GDF10: variants seen among roughly 807,000 people sequenced by gnomAD.
GDF10 encodes the protein growth differentiation factor 10.
Under a neutral mutation model 32.1 loss-of-function variants are expected in GDF10, and 23 were observed. The observed-to-expected ratio is 0.72, with a 90% CI of 0.52 to 1.02. The LOEUF is 1.02. Ranked by LOEUF, GDF10 falls within the 50% of genes least tolerant of loss-of-function variation. The pLI, the probability that GDF10 is intolerant of heterozygous loss-of-function variation, is 0.00. For missense variants in GDF10, 764 were observed against 673.9 expected (o/e 1.13, Z -1.48); for synonymous variants, 328 against 303.1 (o/e 1.08, Z -0.85).
At chr10:47,304,315 C>T (rs555165957) in intron 1 of GDF10, among the ~76,000 whole-genome samples, 1 of 150,398 alleles carries the variant, frequency 6.6e-6, no homozygotes, top group East Asian at 2.0e-4. Context: ...GGGCAATATA[C>T]AACGTGCATG....
chr10:47,310,571 C>A lies in GDF10; in HGVS notation c.1095C>A (p.Ala365=), dbSNP rs1555207666. 6.2e-7 allele frequency: 1 copy of A among 1,614,226 alleles called. No individual in the cohort carries two copies. The highest frequency in any genetic ancestry group is 1.3e-5 in the African/African-American group (1 of 75,062). The part of the protein sequence containing the change: ...LDFDEKTMQK[A]RRKQWDEPRV... ...TTGACGAGAAGACGATGCAGAAAGC[C>A]CGGAGGAAGCAGTGGGATGAGCCGA... Residue 365 remains alanine, a synonymous_variant, in exon 2 of 3, where the codon GCC becomes GCA. Coordinates refer to ENST00000580279, the MANE Select transcript of GDF10 (RefSeq NM_004962.5).
chr10:47,303,043 A>T (rs1555206954), intron 1 of GDF10, among the ~76,000 whole-genome samples: 1 of 152,204 alleles, frequency 6.6e-6, no homozygotes, highest in East Asian at 1.9e-4. Flanking sequence ...GGGCCCAGGC[A>T]GGTTGCTTGA....
Position 47,300,585 on chromosome 10 carries a change from G to C in GDF10, c.-67G>C. ...CCTACTGCCGCGAGGTCAGTCCGCA[G>C]CCTCCGGTGCGCCAGCGCTCGCCTT... On this transcript the variant is annotated 5_prime_UTR_variant, in exon 1 of 3. Coordinates refer to ENST00000580279, the MANE Select transcript of GDF10 (RefSeq NM_004962.5). The C allele has an allele frequency of 6.9e-7, 1 of 1,449,174 alleles. No homozygotes were observed. 89.8% of individuals were successfully genotyped at this position (1,449,174 alleles called of 1,614,324 possible). A position where few individuals can be genotyped will look rare whatever the true frequency, so the allele number is the denominator to read the frequency against.
chr10:47,305,999 G>A (rs1289213709), intron 1 of GDF10, among the ~76,000 whole-genome samples: 12 of 152,324 alleles, frequency 7.9e-5, no homozygotes, highest in African/African-American at 2.9e-4. Flanking sequence ...AGGAGCAAAA[G>A]GCATGGGCTT....
At position 47,300,425 on chromosome 10, in the gene GDF10, G is replaced by T. The variant is rs1268767198; in HGVS notation, c.-227G>T. 6.2e-6 allele frequency: 3 copies of T among 485,608 alleles called. No individual in the cohort carries two copies. Among genetic ancestry groups the T allele is most frequent in the Non-Finnish European group, 7.2e-6 (2 of 278,434 alleles). 30.1% of individuals were successfully genotyped at this position (485,608 alleles called of 1,614,324 possible). A position where few individuals can be genotyped will look rare whatever the true frequency, so the allele number is the denominator to read the frequency against. On this transcript the variant is annotated 5_prime_UTR_variant, in exon 1 of 3. Transcript: ENST00000580279. ...GGCTCGGCTCTGCGCTGCTCCGGAC[G>T]GCTGTGACCGCTGGCCGGGGGCTCG...
In GDF10 at chr10:47,310,707, T is replaced by C; in HGVS notation, c.1231T>C (p.Phe411Leu). The change falls in exon 2 of 3, where the codon TTC becomes CTC. Residue 411 changes from phenylalanine to leucine, a missense_variant. Phe to Leu is a conservative substitution (Grantham distance 22). Coordinates refer to ENST00000580279, the MANE Select transcript of GDF10 (RefSeq NM_004962.5). ...CTACTACTGCGCGGGAGCATGTGAGTTCCCCATGCCTAAGGTAGGGTTTCT... is the reference window on the plus strand; with the variant it reads ...CTACTACTGCGCGGGAGCATGTGAGCTCCCCATGCCTAAGGTAGGGTTTCT... ...DAYYCAGACE[F>L]PMPKIVRPSN... 6.2e-7 allele frequency: 1 copy of C among 1,609,302 alleles called. No individual in the cohort carries two copies.
At chr10:47,312,314 T>C (rs887241169) in intron 2 of GDF10, among the ~76,000 whole-genome samples, 10 of 152,164 alleles carry the variant, frequency 6.6e-5, no homozygotes, top group Admixed American at 2.0e-4. Flanking sequence ...GGCGCCCCCA[T>C]GTGGCCCTGC....
intron 1 of GDF10, among the ~76,000 whole-genome samples, chr10:47,307,139 G>C (rs1555207234): frequency 6.6e-6 from 1 of 152,018 alleles, no homozygotes; most frequent in Non-Finnish European, 1.5e-5. Flanking sequence ...TTTGTTATCT[G>C]TCTCCCCTCT....
In GDF10 at chr10:47,309,782, T is replaced by C; in HGVS notation, c.320-14T>C. 1 of 1,581,514 alleles carries C rather than the reference T, an allele frequency of 6.3e-7. No individual in the cohort carries two copies. The highest frequency in any genetic ancestry group is 8.7e-7 in the Non-Finnish European group (1 of 1,154,372). ...CGAGAACTTCACAGCCTGTGGTCTC[T>C]CCTTCCCTCACAGAAGTGGTCGACC... is the stretch of plus-strand genomic sequence containing the variant. On this transcript the variant is annotated splice_polypyrimidine_tract_variant and intron_variant, in intron 1 of 2. Transcript: ENST00000580279.
In GDF10 at chr10:47,310,026, CAG is replaced by C. The variant is rs1186701468; in HGVS notation, c.551_552del (p.Gln184ArgfsTer44). On this transcript the variant is annotated frameshift_variant, in exon 2 of 3. Transcript: ENST00000580279. LOFTEE classifies it high-confidence loss of function. The part of the protein sequence containing the change: ...FRSLSQNTAT[Q>X]GLLRGAMALA... ...CAGCCTCTCGCAGAACACGGCCACA[CAG>C]GGGCTACTCCGCGGGGCCATGGCCC... 3.7e-6 allele frequency: 6 copies of C among 1,608,006 alleles called. No homozygotes were observed. In the African/African-American group the frequency reaches 4.0e-5, roughly 11 times the overall value.
rs983372715 is a variant in GDF10, at chr10:47,312,930, C to T, written c.*138C>T. ...TCACTGGGGCCCAGAGAGAGCTGTC[C>T]GCCAGTGCATCATTAGGGGGTCTTT... On this transcript the variant is annotated 3_prime_UTR_variant, in exon 3 of 3. Coordinates refer to ENST00000580279, the MANE Select transcript of GDF10 (RefSeq NM_004962.5). 2.5e-5 allele frequency: 13 copies of T among 519,232 alleles called. No homozygotes were observed. Among genetic ancestry groups the T allele is most frequent in the East Asian group, 1.9e-4 (6 of 32,366 alleles). The allele number at this position is 519,232 out of a possible 1,614,324, so 32.2% of individuals were successfully genotyped here.
intron 1 of GDF10, among the ~76,000 whole-genome samples, chr10:47,308,902 G>A (rs2061032635): frequency 6.6e-6 from 1 of 152,184 alleles, no homozygotes. Flanking sequence ...CAATACTCAT[G>A]CTGCTGCCAA....
At chr10:47,307,657 C>T (rs1210663153) in intron 1 of GDF10, among the ~76,000 whole-genome samples, 1 of 152,232 alleles carries the variant, frequency 6.6e-6, no homozygotes, top group Non-Finnish European at 1.5e-5. Context: ...GCATTCAAGC[C>T]ACATGGAGGT....
chr10:47,312,225 G>C (rs376067390), intron 2 of GDF10, among the ~76,000 whole-genome samples: 1 of 152,226 alleles, frequency 6.6e-6, no homozygotes, highest in Non-Finnish European at 1.5e-5. Flanking sequence ...GACCAGGGCT[G>C]TGCTGGCATC....
chr10:47,312,774 C>CA lies in GDF10; in HGVS notation c.1420dup (p.Thr474AsnfsTer66). 6.3e-7 allele frequency: 1 copy of CA among 1,588,022 alleles called. No homozygotes were observed. The highest frequency in any genetic ancestry group is 8.6e-7 in the Non-Finnish European group (1 of 1,165,970). ...AGGTGTACCCCAACATGTCCGTGGA[C>CA]ACCTGTGCCTGCCGGTGAGACCACT... is the stretch of plus-strand genomic sequence containing the variant. On this transcript the variant is annotated frameshift_variant, in exon 3 of 3. Transcript: ENST00000580279. LOFTEE classifies it high-confidence loss of function.
intron 2 of GDF10, among the ~76,000 whole-genome samples, chr10:47,311,535 G>T (rs116285224): frequency 4.6e-5 from 7 of 152,252 alleles, no homozygotes; most frequent in African/African-American, 1.7e-4. Flanking sequence ...GCCAGCTGGG[G>T]AAGTCCAGAC....
chr10:47,312,202 C>T (rs975106225), intron 2 of GDF10, among the ~76,000 whole-genome samples: 1 of 152,232 alleles, frequency 6.6e-6, no homozygotes, highest in Admixed American at 6.5e-5. Context: ...TGCCTGTCCT[C>T]CTCAGACTGC....
chr10:47,302,482 G>C (rs980678604), intron 1 of GDF10, among the ~76,000 whole-genome samples: 1 of 152,230 alleles, frequency 6.6e-6, no homozygotes, highest in Non-Finnish European at 1.5e-5. Context: ...TCACTGCTGC[G>C]ACACGGGTGA....
chr10:47,304,268 C>T (rs1258318382), intron 1 of GDF10, among the ~76,000 whole-genome samples: 2 of 151,780 alleles, frequency 1.3e-5, no homozygotes, highest in East Asian at 3.9e-4. Context: ...CCATGGAGAG[C>T]CATGAGTATT....
Sources: gnomAD v4.1 joint callset for allele counts (sites outside exome capture counted in the v4.1 genomes callset) on GRCh38, gnomAD v4.1.1 for gene constraint, MANE v1.5 for transcripts, NCBI Gene and HGNC (gene_info 2026-07-23, HGNC 2026-07-21) for gene names.